The following CR1L variants were observed in gnomAD, a reference collection of about 807,000 sequenced individuals.
CR1L encodes complement C3b/C4b receptor 1 like.
In CR1L, 59 loss-of-function variants were observed where a neutral mutation model predicts 62.3. That is an observed-to-expected ratio of 0.95 (90% CI 0.77 to 1.18). CR1L has a LOEUF of 1.18. Among genes scored for constraint, CR1L ranks in the 50% most tolerant of loss-of-function variants. The probability of loss-of-function intolerance (pLI) is 0.00; values close to 1 mark genes in which losing one functional copy is unlikely to be tolerated. For missense variants in CR1L, 700 were observed against 702.8 expected (o/e 1.00, Z 0.04); for synonymous variants, 279 against 248.7 (o/e 1.12, Z -1.15).
intron 7 of CR1L, 112 bp from the exon 8 acceptor site, chr1:207,699,077 C>T: frequency 7.3e-7 from 1 of 1,370,966 alleles, no homozygotes; most frequent in South Asian, 1.2e-5. Flanking sequence ...AACTCTGCCA[C>T]CTGCTGGCCT....
At chr1:207,698,377 A>G (rs182963418) in intron 7 of CR1L, among the ~76,000 whole-genome samples, 94 of 152,340 alleles carry the variant, frequency 6.2e-4, no homozygotes, top group Non-Finnish European at 1.2e-3. Context: ...CCAGTCATAT[A>G]TCGTCTGGCT....
chr1:207,702,414 T>A (rs1664207414), intron 9 of CR1L, among the ~76,000 whole-genome samples: 1 of 152,186 alleles, frequency 6.6e-6, no homozygotes, highest in South Asian at 2.1e-4. Context: ...AGCCCTACAA[T>A]GGCCTTTAAG....
At chr1:207,691,918 T>G (rs1274728344) in intron 4 of CR1L, among the ~76,000 whole-genome samples, 3 of 152,152 alleles carry the variant, frequency 2.0e-5, no homozygotes, top group Non-Finnish European at 2.9e-5. Context: ...CAAAGTAAGC[T>G]CAGAGACTCC....
intron 1 of CR1L, chr1:207,669,518 G>A (rs1389721618): frequency 1.3e-6 from 2 of 1,580,846 alleles, no homozygotes; most frequent in East Asian, 4.5e-5. Flanking sequence ...TGCTGCGGAG[G>A]ATCCCTGCTG....
chr1:207,652,757 T>TG (rs1663242018), intron 1 of CR1L: 8 of 743,492 alleles, frequency 1.1e-5, no homozygotes, highest in Non-Finnish European at 1.7e-5. Context: ...AGCCTTTTTT[T>TG]TTTGTTTTCT....
At chr1:207,694,911 C>T (rs1452906099) in intron 5 of CR1L, among the ~76,000 whole-genome samples, 160 bp downstream of exon 5, 1 of 152,146 alleles carries the variant, frequency 6.6e-6, no homozygotes, top group Non-Finnish European at 1.5e-5. Flanking sequence ...TGTGTACATG[C>T]AGATGTGCTG....
Position 207,690,887 on chromosome 1 carries a change from T to C in CR1L, c.464-3466T>C, listed in dbSNP as rs151162264. Among the ~76,000 whole-genome samples the C allele has an allele frequency of 2.0e-4, 31 of 152,332 alleles. No homozygotes were observed. In the East Asian group the frequency reaches 6.0e-3, roughly 29 times the overall value. On this transcript the variant is annotated intron_variant, in intron 4 of 11. Coordinates refer to ENST00000508064, the MANE Select transcript of CR1L (RefSeq NM_175710.2). ...GTGTCCTTTGCTCTTCTGGCTCCTGTAAAGACACTGGACATGGATTTAGAA... is the reference window on the plus strand; with the variant it reads ...GTGTCCTTTGCTCTTCTGGCTCCTGCAAAGACACTGGACATGGATTTAGAA...
chr1:207,713,520 A>G (rs1653872989), intron 10 of CR1L, among the ~76,000 whole-genome samples: 1 of 152,194 alleles, frequency 6.6e-6, no homozygotes, highest in Non-Finnish European at 1.5e-5. Flanking sequence ...TGCAGGAGAC[A>G]CCTCATCTAC....
chr1:207,708,328 A>T (rs1664303034), intron 10 of CR1L, 65 bp downstream of exon 10: 2 of 1,569,976 alleles, frequency 1.3e-6, no homozygotes, highest in Non-Finnish European at 1.7e-6. Context: ...TCCTAGAATT[A>T]CAAAGAATGA....
chr1:207,695,050 C>T (rs752943420), intron 5 of CR1L, among the ~76,000 whole-genome samples: 1 of 152,174 alleles, frequency 6.6e-6, no homozygotes, highest in South Asian at 2.1e-4. Context: ...TCCAGCCAGG[C>T]ACCATAATAC....
At chr1:207,706,903 A>G (rs1408275846) in intron 9 of CR1L, among the ~76,000 whole-genome samples, 1 of 152,242 alleles carries the variant, frequency 6.6e-6, no homozygotes, top group Non-Finnish European at 1.5e-5. Context: ...ATCATAATTT[A>G]GTAATAATCT....
At chr1:207,679,845 G>C (rs1314021050) in intron 3 of CR1L, among the ~76,000 whole-genome samples, 1 of 152,136 alleles carries the variant, frequency 6.6e-6, no homozygotes. Context: ...CTAAGTGAAA[G>C]AAGCCAATCT....
intron 1 of CR1L, among the ~76,000 whole-genome samples, 196 bp from the exon 2 acceptor site, chr1:207,677,193 G>A (rs1166054787): frequency 6.6e-6 from 1 of 151,068 alleles, no homozygotes; most frequent in Non-Finnish European, 1.5e-5. Context: ...GTGATGGCAG[G>A]CGCCTGTAAT....
At chr1:207,668,767 A>T (rs928208238) in intron 1 of CR1L, among the ~76,000 whole-genome samples, 7 of 151,012 alleles carry the variant, frequency 4.6e-5, no homozygotes, top group Non-Finnish European at 1.0e-4. Flanking sequence ...TTAATTGTCC[A>T]CTTTATCCAC....
chr1:207,684,109 C>T, intron 4 of CR1L, 152 bp downstream of exon 4: 1 of 583,560 alleles, frequency 1.7e-6, no homozygotes, highest in South Asian at 4.1e-5. Flanking sequence ...TATGGGGTTC[C>T]TGGCAACTCT....
At chr1:207,666,123 T>C (rs1210417484) in intron 1 of CR1L, among the ~76,000 whole-genome samples, 8 of 152,216 alleles carry the variant, frequency 5.3e-5, no homozygotes, top group African/African-American at 1.9e-4. Context: ...CTCACCTTTC[T>C]ACAGCCTTTG....
At chr1:207,646,147 A>G (rs116544071) in intron 1 of CR1L, among the ~76,000 whole-genome samples, 92 of 152,124 alleles carry the variant, frequency 6.0e-4, no homozygotes, top group African/African-American at 2.1e-3. Context: ...CCATCGAGTC[A>G]TCTTCCTGTT....
At chr1:207,723,508 T>C in intron 11 of CR1L, 110 bp from the exon 12 acceptor site, 1 of 863,968 alleles carries the variant, frequency 1.2e-6, no homozygotes, top group Middle Eastern at 2.6e-4. Flanking sequence ...TAAAAAATAT[T>C]AGTCTGAGTC....
intron 1 of CR1L, among the ~76,000 whole-genome samples, chr1:207,665,194 C>T (rs1663498343): frequency 6.6e-6 from 1 of 151,860 alleles, no homozygotes; most frequent in Non-Finnish European, 1.5e-5. Context: ...GCTGGGGCTA[C>T]AGGCACCCGC....
Sources: allele counts gnomAD v4.1 joint callset (sites outside exome capture counted in the v4.1 genomes callset), GRCh38; gene constraint gnomAD v4.1.1; transcripts MANE v1.5; gene names NCBI Gene and HGNC (gene_info 2026-07-23, HGNC 2026-07-21).